PCDHGA5: variants seen among roughly 807,000 people sequenced by gnomAD.
The protein encoded by PCDHGA5 is protocadherin gamma subfamily A, 5.
Under a neutral mutation model 56.7 loss-of-function variants are expected in PCDHGA5, and 36 were observed. The ratio of observed to expected loss-of-function variants is 0.64; its 90% CI spans 0.49 to 0.84. PCDHGA5 has a LOEUF of 0.84. PCDHGA5 is among the 40% of genes least tolerant of loss of function. PCDHGA5 has a pLI of 0.00. For missense variants in PCDHGA5, 1,305 were observed against 1,201.5 expected, an observed-to-expected ratio of 1.09 and a Z score of -1.27; for synonymous variants, 563 against 520.2, an observed-to-expected ratio of 1.08 and a Z score of -1.12.
At chr5:141,467,736 G>T (rs1435480730) in intron 1 of PCDHGA5, among the ~76,000 whole-genome samples, 1 of 151,902 alleles carries the variant, frequency 6.6e-6, no homozygotes, top group Admixed American at 6.6e-5. Context: ...ATCCCAGCTC[G>T]CTGCAACCTC....
Position 141,489,772 on chromosome 5 carries a change from T to C in PCDHGA5, c.2422-5035T>C, listed in dbSNP as rs1327700197. 6.2e-7 allele frequency: 1 copy of C among 1,614,154 alleles called. No individual in the cohort carries two copies. The highest frequency in any genetic ancestry group is 8.5e-7 in the Non-Finnish European group (1 of 1,179,994). ...TTACACTCTAAGCCCCAACAGCCAC[T>C]TCTCTCTGAATGTGAAGACCCTAAA... On this transcript the variant is annotated intron_variant, in intron 1 of 3. Coordinates refer to ENST00000518069, the MANE Select transcript of PCDHGA5 (RefSeq NM_018918.3). This position sits in a 1 kb window ranked among gnomAD's most constrained non-coding sequence, Gnocchi z 4.5.
At chr5:141,388,465 T>C in intron 1 of PCDHGA5, 2 of 1,613,816 alleles carry the variant, frequency 1.2e-6, no homozygotes, top group Non-Finnish European at 1.7e-6. Flanking sequence ...TACCCTGAGA[T>C]GGTATTGAAG....
Position 141,414,015 on chromosome 5 carries a change from A to T in PCDHGA5, c.2421+47264A>T. ...ACAGGGACGAAGGTGCCAATGGAGA[A>T]GTGACATATTCATTCCGAAAATTAC... On this transcript the variant is annotated intron_variant, in intron 1 of 3. Coordinates refer to ENST00000518069, the MANE Select transcript of PCDHGA5 (RefSeq NM_018918.3). 6.2e-7 allele frequency: 1 copy of T among 1,613,160 alleles called. No individual in the cohort carries two copies.
rs779292483 is a variant in PCDHGA5 at position 141,491,102 on chromosome 5, T to C, written c.2422-3705T>C. The C allele has an allele frequency of 6.2e-7, 1 of 1,614,152 alleles. No individual in the cohort carries two copies. Among genetic ancestry groups the C allele is most frequent in the Non-Finnish European group, 8.5e-7 (1 of 1,180,006 alleles). ...TCCACAGCCCCAGGACTGTTCCTCG[T>C]GTCTACACACACTGGTGAGGTGCGC... On this transcript the variant is annotated intron_variant, in intron 1 of 3. Transcript: ENST00000518069. This position sits in a 1 kb window ranked among gnomAD's most constrained non-coding sequence, Gnocchi z 6.9.
intron 2 of PCDHGA5, among the ~76,000 whole-genome samples, chr5:141,501,620 T>G (rs1393018933): frequency 6.6e-6 from 1 of 152,090 alleles, no homozygotes; most frequent in Non-Finnish European, 1.5e-5. Context: ...GACTCTGGTA[T>G]AGTCTCTCAA....
chr5:141,421,342 G>A (rs199737254), intron 1 of PCDHGA5: 25 of 1,613,872 alleles, frequency 1.5e-5, no homozygotes, highest in Non-Finnish European at 1.9e-5. Context: ...GGTGCCAGAA[G>A]AGACCGAAAA....
chr5:141,435,853 T>C (rs1034164236), intron 1 of PCDHGA5, among the ~76,000 whole-genome samples: 1 of 152,110 alleles, frequency 6.6e-6, no homozygotes, highest in African/African-American at 2.4e-5. Context: ...AAAGATACAA[T>C]AGTTAAAACC....
intron 1 of PCDHGA5, among the ~76,000 whole-genome samples, chr5:141,481,655 T>A (rs933683728): frequency 1.3e-5 from 2 of 152,054 alleles, no homozygotes; most frequent in African/African-American, 4.8e-5. Flanking sequence ...TCATCTCTAC[T>A]AATAATACAA....
intron 1 of PCDHGA5, among the ~76,000 whole-genome samples, chr5:141,475,625 G>C (rs1172186188): frequency 2.0e-5 from 3 of 152,204 alleles, no homozygotes; most frequent in African/African-American, 7.2e-5. Flanking sequence ...GGTTTGGTTC[G>C]ATCCCCTTTC....
Position 141,486,690 on chromosome 5 carries a change from C to G in PCDHGA5, c.2422-8117C>G. ...AGGAATCGAGATGTATCAGCTTCCTCTTTCATCTCTCTGAACCCCCAGACA... is the reference window on the plus strand; with the variant it reads ...AGGAATCGAGATGTATCAGCTTCCTGTTTCATCTCTCTGAACCCCCAGACA... On this transcript the variant is annotated intron_variant, in intron 1 of 3. Coordinates refer to ENST00000518069, the MANE Select transcript of PCDHGA5 (RefSeq NM_018918.3). The surrounding 1 kb of genome is among the most constrained non-coding windows in gnomAD (Gnocchi z 5.0). 3 of 1,614,144 alleles carry G rather than the reference C, an allele frequency of 1.9e-6. No individual in the cohort carries two copies. The highest frequency in any genetic ancestry group is 2.5e-6 in the Non-Finnish European group (3 of 1,180,036).
At chr5:141,418,669 C>T (rs2096278985) in intron 1 of PCDHGA5, 1 of 1,614,018 alleles carries the variant, frequency 6.2e-7, no homozygotes, top group Non-Finnish European at 8.5e-7. Flanking sequence ...CTGACCAGGA[C>T]GAGGGCATCA....
At chr5:141,393,800 GA>G (rs1403705962) in intron 1 of PCDHGA5, 2 of 1,613,842 alleles carry the variant, frequency 1.2e-6, no homozygotes, top group Non-Finnish European at 1.7e-6. Flanking sequence ...CACTTCTGGG[GA>G]GGACCAAATT....
In PCDHGA5 at chr5:141,408,945, G is replaced by A. The variant is rs1176579339; in HGVS notation, c.2421+42194G>A. 21 of 1,613,590 alleles carry A rather than the reference G, an allele frequency of 1.3e-5. No individual in the cohort carries two copies. In the East Asian group the frequency reaches 4.7e-4, roughly 36 times the overall value. Reference sequence around the variant, plus strand: ...CCGGTTTTCAGCAGAGACGAATATAGAATTAGTCTTAGTGAAAATCTGCCC... The same window carrying A: ...CCGGTTTTCAGCAGAGACGAATATAAAATTAGTCTTAGTGAAAATCTGCCC... On this transcript the variant is annotated intron_variant, in intron 1 of 3. Coordinates refer to ENST00000518069, the MANE Select transcript of PCDHGA5 (RefSeq NM_018918.3).
intron 2 of PCDHGA5, among the ~76,000 whole-genome samples, chr5:141,502,048 ACTTTATTCC>A (rs1055762924): frequency 6.6e-5 from 10 of 151,746 alleles, no homozygotes; most frequent in African/African-American, 2.4e-4. Context: ...TGCTCTCCCT[ACTTTATTCC>A]CATTAGCCCC....
intron 2 of PCDHGA5, among the ~76,000 whole-genome samples, chr5:141,502,124 A>G (rs4912762): frequency 0.55 from 83,213 of 152,012 alleles, 23,486 homozygotes; most frequent in African/African-American, 0.67. Flanking sequence ...CCAGGCCCAC[A>G]GAGCTCAGTC....
At chr5:141,459,199 A>G (rs930769883) in intron 1 of PCDHGA5, among the ~76,000 whole-genome samples, 6 of 152,200 alleles carry the variant, frequency 3.9e-5, no homozygotes, top group African/African-American at 1.4e-4. Flanking sequence ...TTTGCAATCA[A>G]TTCACTACTT....
At chr5:141,429,388 A>T (rs6890453) in intron 1 of PCDHGA5, among the ~76,000 whole-genome samples, 24,714 of 140,916 alleles carry the variant, frequency 0.18, 2,276 homozygotes, top group African/African-American at 0.28. Flanking sequence ...TTTTTTTTTT[A>T]AAAAAAATTG....
chr5:141,415,492 A>G lies in PCDHGA5; in HGVS notation c.2421+48741A>G, dbSNP rs373866182. 4 of 1,614,154 alleles carry G rather than the reference A, an allele frequency of 2.5e-6. No individual in the cohort carries two copies. The African/African-American group carries it at 4.0e-5, about 16-fold the overall frequency. On this transcript the variant is annotated intron_variant, in intron 1 of 3. Transcript: ENST00000518069. Reference sequence around the variant, plus strand: ...CGCGGACTCGCGAAAGAGTCACCTGATCTTCCCCCAGCCCAATTATGCGGA... The same window carrying G: ...CGCGGACTCGCGAAAGAGTCACCTGGTCTTCCCCCAGCCCAATTATGCGGA...
chr5:141,490,941 A>G lies in PCDHGA5; in HGVS notation c.2422-3866A>G. The G allele has an allele frequency of 6.2e-7, 1 of 1,613,628 alleles. No homozygotes were observed. The highest frequency in any genetic ancestry group is 8.5e-7 in the Non-Finnish European group (1 of 1,179,772). On this transcript the variant is annotated intron_variant, in intron 1 of 3. Coordinates refer to ENST00000518069, the MANE Select transcript of PCDHGA5 (RefSeq NM_018918.3). The surrounding 1 kb of genome is among the most constrained non-coding windows in gnomAD (Gnocchi z 5.4). ...ATAATGCCCCAGCTGTGCTGCACCC[A>G]CGGCCAGACTGGGAACACTCAGCCC... is the stretch of plus-strand genomic sequence containing the variant.
Sources: gnomAD v4.1 joint callset for allele counts (sites outside exome capture counted in the v4.1 genomes callset) on GRCh38, gnomAD v4.1.1 for gene constraint, Gnocchi (gnomAD v3.1) non-coding constraint, MANE v1.5 for transcripts, NCBI Gene and HGNC (gene_info 2026-07-23, HGNC 2026-07-21) for gene names.